PCLO: variants seen among roughly 807,000 people sequenced by gnomAD.
PCLO encodes protein piccolo.
Under a neutral mutation model 427.5 loss-of-function variants are expected in PCLO, and 82 were observed. The ratio of observed to expected loss-of-function variants is 0.19; its 90% confidence interval spans 0.16 to 0.23. The LOEUF (loss-of-function observed/expected upper bound fraction) is 0.23. Ranked by LOEUF, PCLO falls within the 10% of genes least tolerant of loss-of-function variation. The pLI is 1.00. For missense variants in PCLO, 6,239 were observed against 6,115.9 expected (o/e 1.02, Z -0.67); for synonymous variants, 2,357 against 2,155.4 (o/e 1.09, Z -2.59).
rs374704676 is a variant in PCLO, at chr7:82,956,717, T to C, written c.4236A>G (p.Leu1412=). The C allele has an allele frequency of 2.0e-5, 32 of 1,613,690 alleles. No homozygotes were observed. Among genetic ancestry groups the C allele is most frequent in the Non-Finnish European group, 2.5e-5 (29 of 1,179,820 alleles). ...CCAAAATAGATAGGACTGTACTTTC[T>C]AACTTAGCCAAATCTGAGGGGCTGG... ...SPSSPSDLAK[L]ESTVLSILEA... Residue 1412 remains leucine, a synonymous_variant, in exon 5 of 25, where the codon TTA becomes TTG. Coordinates refer to ENST00000333891, the MANE Select transcript of PCLO (RefSeq NM_033026.6).
chr7:82,951,503 G>A lies in PCLO; in HGVS notation c.9098-13C>T, dbSNP rs758346824. The A allele has an allele frequency of 1.3e-6, 2 of 1,517,056 alleles. No individual in the cohort carries two copies. The highest frequency in any genetic ancestry group is 1.8e-6 in the Non-Finnish European group (2 of 1,115,336). 94.0% of individuals were successfully genotyped at this position (1,517,056 alleles called of 1,614,324 possible). A position where few individuals can be genotyped will look rare whatever the true frequency, so the allele number is the denominator to read the frequency against. ...TCCATTACCTCACCTGAAATACAGG[G>A]CAGAGTTATAGTCCAGTTCCCAGAA... On this transcript the variant is annotated splice_polypyrimidine_tract_variant and intron_variant, in intron 5 of 24. Coordinates refer to ENST00000333891, the MANE Select transcript of PCLO (RefSeq NM_033026.6).
chr7:83,057,722 T>C (rs1172279233), intron 3 of PCLO, among the ~76,000 whole-genome samples: 1 of 152,060 alleles, frequency 6.6e-6, no homozygotes, highest in African/African-American at 2.4e-5. Context: ...CCGATCTATA[T>C]ACTTTACTTG....
chr7:82,926,909 C>T (rs1794725127), intron 6 of PCLO, among the ~76,000 whole-genome samples: 1 of 152,068 alleles, frequency 6.6e-6, no homozygotes, highest in African/African-American at 2.4e-5. Context: ...TCCTTCCCTC[C>T]CTTCCTTTTG....
intron 18 of PCLO, among the ~76,000 whole-genome samples, chr7:82,825,804 G>A (rs1476517063): frequency 6.8e-6 from 1 of 146,920 alleles, no homozygotes; most frequent in Admixed American, 6.9e-5. Context: ...TAAAATATAT[G>A]TATATACAAT....
chr7:82,983,363 A>AT (rs1265119408), intron 3 of PCLO, among the ~76,000 whole-genome samples: 24 of 151,058 alleles, frequency 1.6e-4, no homozygotes, highest in Non-Finnish European at 2.8e-4. Context: ...GGTTCTAAAA[A>AT]ATATATATGT....
chr7:83,003,461 G>T (rs1787873683), intron 3 of PCLO, among the ~76,000 whole-genome samples: 1 of 151,702 alleles, frequency 6.6e-6, no homozygotes. Context: ...TAGAATCATT[G>T]CTAAATGGCT....
chr7:83,156,103 A>G lies in PCLO; in HGVS notation c.538T>C (p.Ser180Pro). ...TCTTCCTGGGATGCCTCAGAGTCTG[A>G]TATCAAATCAAAAGGGTTGAATTTA... ...VNKFNPFDLI[S>P]DSEASQEETT... Residue 180 changes from serine (S) to proline (P), a missense_variant, in exon 2 of 25, where the codon TCA becomes CCA. Transcript: ENST00000333891. 2.5e-6 allele frequency: 4 copies of G among 1,613,758 alleles called. No homozygotes were observed. The highest frequency in any genetic ancestry group is 2.5e-6 in the Non-Finnish European group (3 of 1,179,840).
intron 3 of PCLO, chr7:83,018,100 CAAATAA>C (rs1354316032): frequency 6.6e-6 from 1 of 151,920 alleles, no homozygotes; most frequent in Non-Finnish European, 1.5e-5. Flanking sequence ...TCCCAAAATA[CAAATAA>C]TTCCTTATAG....
chr7:82,835,214 G>T (rs548036268), intron 16 of PCLO, among the ~76,000 whole-genome samples: 1 of 152,194 alleles, frequency 6.6e-6, no homozygotes, highest in South Asian at 2.1e-4. Flanking sequence ...AAAGTCCTGG[G>T]ATTACAGGCG....
chr7:82,774,366 T>A (rs532046180), intron 22 of PCLO, among the ~76,000 whole-genome samples: 1 of 152,284 alleles, frequency 6.6e-6, no homozygotes, highest in Non-Finnish European at 1.5e-5. Flanking sequence ...TGGATCTATC[T>A]CTATGCTTTG....
intron 19 of PCLO, 75 bp downstream of exon 19, chr7:82,824,161 A>T (rs947178372): frequency 1.0e-6 from 1 of 983,682 alleles, no homozygotes; most frequent in African/African-American, 1.6e-5. Context: ...TTAAATGTAC[A>T]AACATTCACA....
intron 6 of PCLO, among the ~76,000 whole-genome samples, chr7:82,931,742 AGTCTTTT>A (rs1196047411): frequency 6.6e-6 from 1 of 152,134 alleles, no homozygotes; most frequent in Non-Finnish European, 1.5e-5. Context: ...TGGGAGCAAT[AGTCTTTT>A]GTAACCTAAT....
chr7:82,827,059 G>T (rs1009424229), intron 17 of PCLO, among the ~76,000 whole-genome samples: 33 of 151,970 alleles, frequency 2.2e-4, no homozygotes, highest in African/African-American at 7.5e-4. Flanking sequence ...AAAAAACTTA[G>T]TAGCATTGCC....
chr7:82,805,854 AC>A lies in PCLO; in HGVS notation c.14792-26del, dbSNP rs766902649. 3.2e-6 allele frequency: 5 copies of A among 1,580,786 alleles called. No homozygotes were observed. In the South Asian group the frequency reaches 3.5e-5, roughly 11 times the overall value. ...GCTGCATGGTGTGGGAAGATTCAACACCACAGTCAATAAATGAAGCTGACAT... is the reference window on the plus strand; with the variant it reads ...GCTGCATGGTGTGGGAAGATTCAACACACAGTCAATAAATGAAGCTGACAT... On this transcript the variant is annotated intron_variant, in intron 20 of 24. Coordinates refer to ENST00000333891, the MANE Select transcript of PCLO (RefSeq NM_033026.6).
intron 6 of PCLO, among the ~76,000 whole-genome samples, chr7:82,943,204 C>CT (rs1477202677): frequency 1.3e-5 from 2 of 152,138 alleles, no homozygotes; most frequent in Non-Finnish European, 2.9e-5. Context: ...TGAATGCCAT[C>CT]TGCTTTGCAA....
In PCLO at chr7:82,840,271, T is replaced by C. The variant is rs190529378; in HGVS notation, c.14097+1188A>G. Among the ~76,000 whole-genome samples the C allele has an allele frequency of 1.8e-3, 270 of 152,124 alleles. 1 individual carries two copies. Among genetic ancestry groups the C allele is most frequent in the African/African-American group, 6.1e-3 (254 of 41,554 alleles). ...TACAGAGGTCATCAGGGTAGTACTGTTAGTTTGTTCTTAGTAACGTGTCAA... is the reference window on the plus strand; with the variant it reads ...TACAGAGGTCATCAGGGTAGTACTGCTAGTTTGTTCTTAGTAACGTGTCAA... On this transcript the variant is annotated intron_variant, in intron 14 of 24. Transcript: ENST00000333891.
At position 83,135,514 on chromosome 7, in the gene PCLO, G is replaced by A; in HGVS notation, c.2036C>T (p.Pro679Leu). The A allele has an allele frequency of 2.5e-6, 4 of 1,613,708 alleles. No homozygotes were observed. The highest frequency in any genetic ancestry group is 2.2e-5 in the South Asian group (2 of 91,062). ...TSAVSKSSPQPQQTSPKKDAA... is the reference protein window; with the variant it reads ...TSAVSKSSPQLQQTSPKKDAA... ...ATCCTTCTTTGGGGAAGTCTGCTGTGGCTGTGGGGATGATTTGCTCACTGC... is the reference window on the plus strand; with the variant it reads ...ATCCTTCTTTGGGGAAGTCTGCTGTAGCTGTGGGGATGATTTGCTCACTGC... The change falls in exon 3 of 25, where the codon CCA (proline) becomes CTA (leucine). Residue 679 changes from proline to leucine, a missense_variant. This residue lies in a region of PCLO where 4,677 missense variants were observed against 4,468.4 expected (regional missense o/e 1.05). Transcript: ENST00000333891.
rs181609925 is a variant in PCLO, at chr7:82,818,836, T to C, written c.14791+3659A>G. 6.1e-3 allele frequency among the ~76,000 whole-genome samples: 928 copies of C among 152,314 alleles called. 2 individuals are homozygous for C. Among genetic ancestry groups the C allele is most frequent in the Non-Finnish European group, 9.7e-3 (660 of 68,024 alleles). The stretch of plus-strand genomic sequence containing the variant: ...GAGAAATGGATGACAAAACACTCTG[T>C]ACAACATGAAGAACTATTCAAATGC... On this transcript the variant is annotated intron_variant, in intron 20 of 24. Transcript: ENST00000333891.
intron 9 of PCLO, among the ~76,000 whole-genome samples, chr7:82,900,577 T>C (rs1428889393): frequency 6.6e-6 from 1 of 151,516 alleles, no homozygotes; most frequent in African/African-American, 2.4e-5. Context: ...AAAAATTTCA[T>C]ACATCTTTCA....
Sources: gnomAD v4.1 joint callset for allele counts (sites outside exome capture counted in the v4.1 genomes callset) on GRCh38, gnomAD v4.1.1 for gene constraint, gnomAD v4.1.1 regional missense constraint, MANE v1.5 for transcripts, NCBI Gene and HGNC (gene_info 2026-07-23, HGNC 2026-07-21) for gene names.